The following CASK variants were observed in gnomAD, a reference collection of about 807,000 sequenced individuals.
CASK encodes calcium/calmodulin dependent serine protein kinase.
In CASK, 4 loss-of-function variants were observed where a neutral mutation model predicts 82.9. The observed-to-expected ratio is 0.05, with a 90% CI of 0.02 to 0.11. The LOEUF is 0.11. Among genes scored for constraint, CASK ranks in the 10% least tolerant of loss-of-function variants. The pLI is 1.00. For missense variants in CASK, 358 were observed against 720.9 expected, an observed-to-expected ratio of 0.50 and a Z score of 5.76; for synonymous variants, 259 against 253.5, an observed-to-expected ratio of 1.02 and a Z score of -0.20.
rs778869180 is a variant in CASK at position 41,519,912 on chromosome X, A to G, written c.*508T>C. On this transcript the variant is annotated 3_prime_UTR_variant, in exon 27 of 27. Transcript: ENST00000378163. ...AAAAAGAGAGAAAAAAGGCCTTTAA[A>G]AATTTATGACTGTTTTGTAATCACT... The G allele has an allele frequency of 9.0e-6, 1 of 110,786 alleles. No individual in the cohort carries two copies. The highest frequency in any genetic ancestry group is 9.6e-5 in the Admixed American group (1 of 10,425). 9.1% of individuals were successfully genotyped at this position (110,786 alleles called of 1,213,427 possible). A position where few individuals can be genotyped will look rare whatever the true frequency, so the allele number is the denominator to read the frequency against.
intron 2 of CASK, among the ~76,000 whole-genome samples, chrX:41,829,696 GATATATATAT>G (rs55730177): frequency 1.2e-3 from 20 of 16,245 alleles, no homozygotes; most frequent in African/African-American, 1.3e-3. Context: ...TAGGTCACAA[GATATATATAT>G]ATATATATAT....
intron 1 of CASK, among the ~76,000 whole-genome samples, chrX:41,908,995 T>A (rs1002259418): frequency 8.9e-6 from 1 of 112,011 alleles, no homozygotes; most frequent in Non-Finnish European, 1.9e-5. Context: ...GGCAGTAGGA[T>A]GATTTGGCCC....
chrX:41,639,410 C>T lies in CASK; in HGVS notation c.832-2749G>A, dbSNP rs1238325543. 4.2e-5 allele frequency among the ~76,000 whole-genome samples: 4 copies of T among 94,388 alleles called. No homozygotes were observed. In the East Asian group the frequency reaches 1.0e-3, roughly 24 times the overall value. The allele number at this position is 94,388 out of a possible 115,157, so 82.0% of individuals were successfully genotyped here. ...TGTAAATAAACATTAGTAGTTTTGC[C>T]GAGAATAGATTGGAAGGAGATGAGG... On this transcript the variant is annotated intron_variant, in intron 8 of 26. Transcript: ENST00000378163.
intron 1 of CASK, among the ~76,000 whole-genome samples, chrX:41,916,254 G>A (rs921230429): frequency 9.8e-5 from 11 of 112,514 alleles, no homozygotes; most frequent in Admixed American, 2.8e-4. Context: ...ATAAAGAAAA[G>A]TAACACAAAA....
chrX:41,820,314 C>T (rs949179213), intron 2 of CASK, among the ~76,000 whole-genome samples: 2 of 110,571 alleles, frequency 1.8e-5, no homozygotes, highest in African/African-American at 6.6e-5. Flanking sequence ...GTAAATTTAG[C>T]AAGGTTGCCA....
intron 12 of CASK, among the ~76,000 whole-genome samples, chrX:41,608,592 C>T (rs1198279747): frequency 8.9e-6 from 1 of 112,268 alleles, no homozygotes. Flanking sequence ...ATCGAAACCA[C>T]CCAAGAGTTT....
chrX:41,703,558 T>C (rs1056002620), intron 5 of CASK, among the ~76,000 whole-genome samples: 3 of 112,596 alleles, frequency 2.7e-5, no homozygotes, highest in Non-Finnish European at 3.8e-5. Flanking sequence ...ATGTAGTGTT[T>C]TACTGCATGA....
At chrX:41,744,122 C>T (rs953093701) in intron 4 of CASK, among the ~76,000 whole-genome samples, 2 of 106,982 alleles carry the variant, frequency 1.9e-5, no homozygotes, top group African/African-American at 3.4e-5. Context: ...GCCGCCCGCA[C>T]CCCCCGCAAA....
rs1053676001 is a variant in CASK at position 41,649,892 on chromosome X, C to G, written c.831+10547G>C. On this transcript the variant is annotated intron_variant, in intron 8 of 26. Coordinates refer to ENST00000378163, the MANE Select transcript of CASK (RefSeq NM_001367721.1). Reference sequence around the variant, plus strand: ...TATTATTGTGTGGGAGTCTAAGTCTCTTTTTAGGTCTCTAAGGACCTGCTT... The same window carrying G: ...TATTATTGTGTGGGAGTCTAAGTCTGTTTTTAGGTCTCTAAGGACCTGCTT... 7.2e-5 allele frequency among the ~76,000 whole-genome samples: 8 copies of G among 111,144 alleles called. No individual in the cohort carries two copies. The Admixed American group carries it at 7.7e-4, about 11-fold the overall frequency.
intron 11 of CASK, among the ~76,000 whole-genome samples, chrX:41,613,204 GGAAAAGATTGA>G (rs1202298637): frequency 1.6e-4 from 18 of 111,818 alleles, no homozygotes; most frequent in Non-Finnish European, 3.0e-4. Context: ...GGAAAGGTGG[GGAAAAGATTGA>G]GAAATCGGAT....
chrX:41,629,546 T>C (rs932732049), intron 9 of CASK, among the ~76,000 whole-genome samples: 1 of 111,546 alleles, frequency 9.0e-6, no homozygotes, highest in Non-Finnish European at 1.9e-5. Flanking sequence ...CAATGACTAC[T>C]CTCCCCAGTT....
intron 19 of CASK, among the ~76,000 whole-genome samples, chrX:41,556,576 C>T (rs1331788056): frequency 1.8e-5 from 2 of 111,849 alleles, no homozygotes; most frequent in East Asian, 2.8e-4. Flanking sequence ...CACACCAATT[C>T]GTAAACTTAG....
At chrX:41,822,557 C>CAAAAAAAAAAAAAAAAAAAAAA (rs61374081) in intron 2 of CASK, among the ~76,000 whole-genome samples, 7 of 50,678 alleles carry the variant, frequency 1.4e-4, no homozygotes, top group Admixed American at 3.2e-4. Context: ...GACTCCGTCT[C>CAAAAAAAAAAAAAAAAAAAAAA]AAAAAAAAAA....
intron 2 of CASK, among the ~76,000 whole-genome samples, chrX:41,829,628 T>G (rs5917451): frequency 0.51 from 3,065 of 6,011 alleles, 979 homozygotes; most frequent in East Asian, 0.91. Context: ...TTTGGGGGGG[T>G]GGGGGTGAAC....
chrX:41,630,429 A>G (rs2066446268), intron 9 of CASK, among the ~76,000 whole-genome samples: 1 of 111,952 alleles, frequency 8.9e-6, no homozygotes, highest in Non-Finnish European at 1.9e-5. Context: ...GAGCTCAGAA[A>G]CACGCATCAT....
In CASK at chrX:41,620,460, T is replaced by A. The variant is rs765903096; in HGVS notation, c.1033+2157A>T. Among the ~76,000 whole-genome samples the A allele has an allele frequency of 2.7e-5, 3 of 112,225 alleles. No homozygotes were observed. In the South Asian group the frequency reaches 1.1e-3, roughly 41 times the overall value. ...AATACCTTTTCTATTATATTAGCGATCAATTAATACATTGTATTACTACAC... is the reference window on the plus strand; with the variant it reads ...AATACCTTTTCTATTATATTAGCGAACAATTAATACATTGTATTACTACAC... On this transcript the variant is annotated intron_variant, in intron 11 of 26. Coordinates refer to ENST00000378163, the MANE Select transcript of CASK (RefSeq NM_001367721.1).
intron 7 of CASK, among the ~76,000 whole-genome samples, chrX:41,661,844 A>G (rs2067039517): frequency 9.0e-6 from 1 of 110,695 alleles, no homozygotes; most frequent in Non-Finnish European, 1.9e-5. Flanking sequence ...TTTTCATCCT[A>G]GTGAAATTGT....
intron 12 of CASK, among the ~76,000 whole-genome samples, chrX:41,600,896 C>T (rs951369084): frequency 1.5e-4 from 17 of 111,882 alleles, no homozygotes; most frequent in African/African-American, 5.5e-4. Context: ...TATACACACA[C>T]GATGGAATAT....
intron 2 of CASK, among the ~76,000 whole-genome samples, chrX:41,834,974 G>T (rs1601885191): frequency 9.0e-6 from 1 of 111,456 alleles, no homozygotes; most frequent in African/African-American, 3.3e-5. Context: ...TGTACAGACT[G>T]AATTTTCCAG....
Sources: gnomAD v4.1 joint callset for allele counts (sites outside exome capture counted in the v4.1 genomes callset) on GRCh38, gnomAD v4.1.1 for gene constraint, MANE v1.5 for transcripts, NCBI Gene and HGNC (gene_info 2026-07-23, HGNC 2026-07-21) for gene names.